The following CELF1 variants were observed in gnomAD, a reference collection of about 807,000 sequenced individuals.
CELF1 encodes 50 kDa nuclear polyadenylated RNA-binding protein.
A neutral mutation model predicts 61.8 loss-of-function variants in CELF1; 10 were observed. That is an observed-to-expected ratio of 0.16 (90% CI 0.10 to 0.27). The LOEUF (loss-of-function observed/expected upper bound fraction) is 0.27. CELF1 is among the 10% of genes least tolerant of loss of function. The pLI, the probability that CELF1 is intolerant of heterozygous loss-of-function variation, is 1.00. For synonymous variants in CELF1, 236 were observed against 225.1 expected, an observed-to-expected ratio of 1.05 and a Z score of -0.43; for missense variants, 380 against 639.1, an observed-to-expected ratio of 0.59 and a Z score of 4.37.
intron 14 of CELF1, 22 bp downstream of exon 14, chr11:47,473,066 C>T (rs2078378120): frequency 6.2e-7 from 1 of 1,611,402 alleles, no homozygotes; most frequent in African/African-American, 1.3e-5. Context: ...CCCATCCTGA[C>T]ACCAGAGAGA....
chr11:47,532,770 C>A, intron 1 of CELF1, among the ~76,000 whole-genome samples: 1 of 152,182 alleles, frequency 6.6e-6, no homozygotes, highest in African/African-American at 2.4e-5. Flanking sequence ...TTTTCTCCCT[C>A]CTATGCCAGC....
intron 1 of CELF1, among the ~76,000 whole-genome samples, chr11:47,519,400 G>A (rs1428433781): frequency 6.6e-6 from 1 of 151,974 alleles, no homozygotes; most frequent in Admixed American, 6.6e-5. Flanking sequence ...AGAATCACTT[G>A]AACAGGGAGG....
intron 1 of CELF1, among the ~76,000 whole-genome samples, chr11:47,506,595 C>T (rs2094522972): frequency 6.6e-6 from 1 of 152,204 alleles, no homozygotes; most frequent in South Asian, 2.1e-4. Context: ...CTCACCGCAA[C>T]AGCTGTAAGA....
At chr11:47,558,570 TATA>T (rs2153790039) in intron 2 of CELF1, among the ~76,000 whole-genome samples, 1 of 113,090 alleles carries the variant, frequency 8.8e-6, no homozygotes, top group African/African-American at 3.8e-5. Context: ...ATATATAATA[TATA>T]AATATATATA....
chr11:47,524,282 T>A (rs1364167881), intron 1 of CELF1, among the ~76,000 whole-genome samples: 1 of 151,960 alleles, frequency 6.6e-6, no homozygotes, highest in African/African-American at 2.4e-5. Flanking sequence ...CTGATCTTTG[T>A]GACCTGTAAC....
chr11:47,530,421 G>A (rs2096429099), intron 1 of CELF1, among the ~76,000 whole-genome samples: 1 of 152,194 alleles, frequency 6.6e-6, no homozygotes, highest in African/African-American at 2.4e-5. Flanking sequence ...TTGCTACTGA[G>A]GACATATATC....
chr11:47,503,373 G>A (rs1422327909), intron 1 of CELF1, among the ~76,000 whole-genome samples: 1 of 152,044 alleles, frequency 6.6e-6, no homozygotes, highest in Non-Finnish European at 1.5e-5. Context: ...GATATAACCA[G>A]GGAGTTCTAC....
chr11:47,494,435 T>C, intron 3 of CELF1: 1 of 982,702 alleles, frequency 1.0e-6, no homozygotes, highest in South Asian at 4.7e-5. Context: ...TGATTTCTGC[T>C]GAAACATACT....
chr11:47,499,684 G>A (rs1171332131), intron 2 of CELF1, 80 bp from the exon 3 acceptor site: 1 of 619,326 alleles, frequency 1.6e-6, no homozygotes, highest in African/African-American at 1.8e-5. Context: ...AGGCAGGACT[G>A]GGGAAGGGGT....
At chr11:47,497,647 G>A (rs2093357603) in intron 3 of CELF1, among the ~76,000 whole-genome samples, 1 of 152,168 alleles carries the variant, frequency 6.6e-6, no homozygotes, top group Non-Finnish European at 1.5e-5. Context: ...TCCATTCCCC[G>A]ACTGACTCTG....
At chr11:47,519,756 G>A (rs541498701) in intron 1 of CELF1, among the ~76,000 whole-genome samples, 3 of 151,836 alleles carry the variant, frequency 2.0e-5, no homozygotes, top group Non-Finnish European at 4.4e-5. Flanking sequence ...CCCGCTACTC[G>A]GGAGGCTGAG....
rs138642328 is a variant in CELF1 at position 47,475,453 on chromosome 11, C to T, written c.1156G>A (p.Ala386Thr). ...ATACCCGAGTAGGCCTGAGTGAGGGCCTCCATGGTGCTCCCGGTGCCATTG... is the reference window on the plus strand; with the variant it reads ...ATACCCGAGTAGGCCTGAGTGAGGGTCTCCATGGTGCTCCCGGTGCCATTG... ...LSNGTGSTME[A>T]LTQAYSGIQQ... The change falls in exon 13 of 15, where the codon GCC becomes ACC. Residue 386 changes from alanine (A) to threonine (T), a missense_variant. Ala to Thr is a moderately conservative substitution (Grantham distance 58). Coordinates refer to ENST00000687097, the MANE Select transcript of CELF1 (RefSeq NM_001376376.1). 1.9e-6 allele frequency: 3 copies of T among 1,614,056 alleles called. No homozygotes were observed. The highest frequency in any genetic ancestry group is 2.5e-6 in the Non-Finnish European group (3 of 1,180,036).
intron 6 of CELF1, among the ~76,000 whole-genome samples, chr11:47,485,377 C>A (rs1189716447): frequency 6.6e-6 from 1 of 152,106 alleles, no homozygotes; most frequent in Non-Finnish European, 1.5e-5. Flanking sequence ...ACTCTTATTG[C>A]CAAGGCTGGT....
intron 1 of CELF1, among the ~76,000 whole-genome samples, chr11:47,550,134 C>G (rs1369628940): frequency 2.0e-5 from 3 of 151,852 alleles, no homozygotes; most frequent in Admixed American, 6.6e-5. Context: ...TTTTTAACCA[C>G]AATTTTAAAA....
chr11:47,546,253 T>TTTGGG (rs2096944135), intron 1 of CELF1, among the ~76,000 whole-genome samples: 4 of 23,560 alleles, frequency 1.7e-4, no homozygotes, highest in African/African-American at 5.9e-4. Flanking sequence ...TTTTTTTTTT[T>TTTGGG]GGGCGGGGGC....
rs2096797204 is a variant in CELF1 at position 47,541,753 on chromosome 11, AGAACG to A, written c.-154+11234_-154+11238del. Among the ~76,000 whole-genome samples the A allele has an allele frequency of 1.4e-4, 2 of 14,570 alleles. 1 individual carries two copies. Among genetic ancestry groups the A allele is most frequent in the African/African-American group, 3.5e-4 (2 of 5,756 alleles). The allele number at this position is 14,570 out of a possible 152,430, so 9.6% of individuals were successfully genotyped here. Reference sequence around the variant, plus strand: ...ACGAAAGAAAGAACGAAAGAAAGAAAGAACGAAAGAAAGAACGAAAGAAAGAACGA... The same window carrying A: ...ACGAAAGAAAGAACGAAAGAAAGAAAAAAGAAAGAACGAAAGAAAGAACGA... On this transcript the variant is annotated intron_variant, in intron 1 of 14. Transcript: ENST00000687097.
At chr11:47,536,352 C>A (rs188481470) in intron 1 of CELF1, among the ~76,000 whole-genome samples, 2 of 152,088 alleles carry the variant, frequency 1.3e-5, no homozygotes, top group Non-Finnish European at 2.9e-5. Flanking sequence ...GGCGACAAGG[C>A]GAGATTGTCA....
chr11:47,556,467 G>A (rs539164131), upstream of CELF1, among the ~76,000 whole-genome samples: 21 of 152,276 alleles, frequency 1.4e-4, no homozygotes, highest in East Asian at 1.2e-3. Flanking sequence ...TTACAGGTGC[G>A]AGCCATGACA....
intron 1 of CELF1, among the ~76,000 whole-genome samples, chr11:47,549,154 T>G (rs897176925): frequency 6.6e-6 from 1 of 152,170 alleles, no homozygotes; most frequent in Non-Finnish European, 1.5e-5. Flanking sequence ...TGTGTACTAC[T>G]GGCAAGACTG....
Sources: gnomAD v4.1 joint callset for allele counts (sites outside exome capture counted in the v4.1 genomes callset) on GRCh38, gnomAD v4.1.1 for gene constraint, MANE v1.5 for transcripts, NCBI Gene and HGNC (gene_info 2026-07-23, HGNC 2026-07-21) for gene names.